The following PRKG1 variants were observed in gnomAD, a reference collection of about 807,000 sequenced individuals.
PRKG1 encodes the protein cGMP-dependent protein kinase 1.
A neutral mutation model predicts 88.1 loss-of-function variants in PRKG1; 35 were observed. The ratio of observed to expected loss-of-function variants is 0.40; its 90% CI spans 0.30 to 0.53. PRKG1 has a LOEUF of 0.53. PRKG1 is among the 20% of genes least tolerant of loss of function. PRKG1 has a pLI of 0.59. For synonymous variants in PRKG1, 303 were observed against 292.5 expected (o/e 1.04, Z -0.37); for missense variants, 540 against 839.8 (o/e 0.64, Z 4.41).
At chr10:51,797,801 T>C (rs1839056680) in intron 3 of PRKG1, among the ~76,000 whole-genome samples, 1 of 151,678 alleles carries the variant, frequency 6.6e-6, no homozygotes, top group Admixed American at 6.6e-5. Context: ...AGCTCTTCAT[T>C]TCCCCGCTCC....
At chr10:51,839,973 T>G (rs1352032936) in intron 4 of PRKG1, among the ~76,000 whole-genome samples, 1 of 152,246 alleles carries the variant, frequency 6.6e-6, no homozygotes, top group East Asian at 1.9e-4. Flanking sequence ...GTTCAGTAAG[T>G]GACAGCCCTG....
At chr10:51,441,006 A>T (rs766453952) in intron 2 of PRKG1, among the ~76,000 whole-genome samples, 1 of 152,020 alleles carries the variant, frequency 6.6e-6, no homozygotes, top group Non-Finnish European at 1.5e-5. Context: ...AGTTTAAAAG[A>T]GATAAACATG....
chr10:51,747,897 C>CT (rs951427758), intron 3 of PRKG1, among the ~76,000 whole-genome samples: 3 of 152,092 alleles, frequency 2.0e-5, no homozygotes, highest in Admixed American at 6.6e-5. Flanking sequence ...TTTTAAAGCA[C>CT]TAAGGCCATG....
intron 7 of PRKG1, among the ~76,000 whole-genome samples, chr10:52,123,550 T>G (rs1363991911): frequency 6.6e-6 from 1 of 152,184 alleles, no homozygotes; most frequent in Non-Finnish European, 1.5e-5. Flanking sequence ...TTATGCATTT[T>G]TCATTGCTCC....
intron 8 of PRKG1, among the ~76,000 whole-genome samples, chr10:52,151,736 C>G (rs10824145): frequency 0.66 from 101,042 of 152,040 alleles, 34,745 homozygotes; most frequent in South Asian, 0.77. Context: ...AACATATAGA[C>G]TGGGCACATT....
chr10:52,133,904 G>A lies in PRKG1; in HGVS notation c.1000G>A (p.Asp334Asn), dbSNP rs2132635326. The A allele has an allele frequency of 6.2e-7, 1 of 1,611,652 alleles. No individual in the cohort carries two copies. The highest frequency in any genetic ancestry group is 8.5e-7 in the Non-Finnish European group (1 of 1,178,154). ...EAVTCLVIDR[D>N]SFKHLIGGLD... ...TGTAACCTGCCTTGTGATTGACAGA[G>A]AGTAAGTACATTGTTTTATTATGTG... Residue 334 changes from aspartate to asparagine, a missense_variant and splice_region_variant, in exon 8 of 18, where the codon GAC becomes AAC. By Grantham distance (23) the Asp-to-Asn change is conservative (BLOSUM62 1). Around this residue, in one of 5 missense-constraint regions of PRKG1, gnomAD observed 400 missense variants for 562.7 expected, o/e 0.71. Coordinates refer to ENST00000373980, the MANE Select transcript of PRKG1 (RefSeq NM_006258.4).
chr10:51,576,065 G>T (rs909856978), intron 3 of PRKG1, among the ~76,000 whole-genome samples: 7 of 151,908 alleles, frequency 4.6e-5, no homozygotes, highest in African/African-American at 1.7e-4. Context: ...ATTACATCAT[G>T]AGGTAGGCTT....
chr10:51,027,536 T>TA (rs1843223537), intron 1 of PRKG1, among the ~76,000 whole-genome samples: 1 of 152,208 alleles, frequency 6.6e-6, no homozygotes, highest in Admixed American at 6.5e-5. Context: ...TAGATGTATC[T>TA]AAAACTTAAA....
intron 9 of PRKG1, among the ~76,000 whole-genome samples, chr10:52,162,845 C>T (rs1276726950): frequency 6.6e-6 from 1 of 152,020 alleles, no homozygotes; most frequent in Non-Finnish European, 1.5e-5. Context: ...ACAATTTCTC[C>T]TCTGTATCCT....
chr10:51,635,207 TAA>T (rs1273854669), intron 3 of PRKG1, among the ~76,000 whole-genome samples: 1 of 145,214 alleles, frequency 6.9e-6, no homozygotes, highest in Non-Finnish European at 1.5e-5. Flanking sequence ...TCAACTAATA[TAA>T]GTCATGAAAA....
rs147972661 is a variant in PRKG1, at chr10:51,738,336, C to T, written c.593-66249C>T. 4.6e-3 allele frequency among the ~76,000 whole-genome samples: 696 copies of T among 152,132 alleles called. 2 individuals carry two copies. The highest frequency in any genetic ancestry group is 0.016 in the African/African-American group (675 of 41,488). ...TTTGTAGGATCCATGTCTAGGAGAA[C>T]AGAAGGAAAGATTGGAAATAGAAGA... On this transcript the variant is annotated intron_variant, in intron 3 of 17. Transcript: ENST00000373980.
At chr10:51,238,410 G>A (rs530700203) in intron 2 of PRKG1, among the ~76,000 whole-genome samples, 10 of 152,070 alleles carry the variant, frequency 6.6e-5, no homozygotes, top group African/African-American at 2.4e-4. Flanking sequence ...GTAAAACTCC[G>A]CCTCTACTAA....
chr10:52,167,985 T>TC (rs1838537406), intron 9 of PRKG1, among the ~76,000 whole-genome samples: 1 of 152,206 alleles, frequency 6.6e-6, no homozygotes, highest in African/African-American at 2.4e-5. Context: ...TATCCCTTGG[T>TC]ATACATAAAG....
At chr10:52,196,161 C>T (rs1230019833) in intron 9 of PRKG1, among the ~76,000 whole-genome samples, 3 of 151,976 alleles carry the variant, frequency 2.0e-5, no homozygotes, top group Non-Finnish European at 4.4e-5. Flanking sequence ...TACAGGCACC[C>T]GCCACCACGC....
rs146681723 is a variant in PRKG1, at chr10:51,567,944, A to G, written c.592+100108A>G. Among the ~76,000 whole-genome samples the G allele has an allele frequency of 2.9e-3, 447 of 152,150 alleles. 1 individual carries two copies. Among genetic ancestry groups the G allele is most frequent in the Non-Finnish European group, 5.3e-3 (360 of 67,978 alleles). On this transcript the variant is annotated intron_variant, in intron 3 of 17. Transcript: ENST00000373980. The stretch of plus-strand genomic sequence containing the variant: ...TGGCAAATATTGGACCCTAAGTTTG[A>G]TGGAGAAAGGTATTCTGGGCTGCTT...
At chr10:51,018,590 AT>A (rs1227957688) in intron 1 of PRKG1, among the ~76,000 whole-genome samples, 1 of 152,218 alleles carries the variant, frequency 6.6e-6, no homozygotes, top group African/African-American at 2.4e-5. Context: ...AAAGAGGTGA[AT>A]TTAGGTCTCC....
At chr10:51,117,115 T>C (rs1405129125) in intron 1 of PRKG1, among the ~76,000 whole-genome samples, 3 of 152,338 alleles carry the variant, frequency 2.0e-5, no homozygotes, top group Middle Eastern at 3.4e-3. Context: ...TGTATTGTAA[T>C]GAACATGGAA....
intron 5 of PRKG1, chr10:51,907,802 G>T (rs1842119528): frequency 4.9e-6 from 2 of 411,500 alleles, no homozygotes; most frequent in Non-Finnish European, 8.6e-6. Context: ...ACTTTTTGTT[G>T]TGATAAATAC....
chr10:51,175,559 C>A (rs11818857), intron 2 of PRKG1, among the ~76,000 whole-genome samples: 1,900 of 152,136 alleles, frequency 0.012, 31 homozygotes, highest in African/African-American at 0.042. Context: ...CATAAAACCT[C>A]ATTCAAATCC....
Sources: allele counts gnomAD v4.1 joint callset (sites outside exome capture counted in the v4.1 genomes callset), GRCh38; gene constraint gnomAD v4.1.1; regional missense constraint gnomAD v4.1.1; transcripts MANE v1.5; gene names NCBI Gene and HGNC (gene_info 2026-07-23, HGNC 2026-07-21).